NMD3: variants seen among roughly 807,000 people sequenced by gnomAD.
The protein encoded by NMD3 is NMD3 ribosome export adaptor.
NMD3 carries 47 observed loss-of-function variants against 73.1 expected under a neutral mutation model. That is an observed-to-expected ratio of 0.64 (90% CI 0.51 to 0.82). The LOEUF is 0.82. Among genes scored for constraint, NMD3 ranks in the 40% least tolerant of loss-of-function variants. The pLI is 0.00. For missense variants in NMD3, 554 were observed against 612.5 expected (o/e 0.90, Z 1.01); for synonymous variants, 210 against 194.5 (o/e 1.08, Z -0.66).
intron 4 of NMD3, 69 bp downstream of exon 4, chr3:161,227,412 C>A (rs1365338508): frequency 5.2e-5 from 32 of 610,040 alleles, no homozygotes; most frequent in Middle Eastern, 4.5e-4. Context: ...TCAGAAAATT[C>A]TTGTGAGTAG....
At chr3:161,247,473 A>AT (rs1737266341) in intron 13 of NMD3, 143 bp downstream of exon 13, 13 of 484,360 alleles carry the variant, frequency 2.7e-5, no homozygotes, top group South Asian at 4.1e-5. Flanking sequence ...ATAATAGCAA[A>AT]ATTTTTTTTT....
chr3:161,227,416 T>A, intron 4 of NMD3, 73 bp downstream of exon 4: 1 of 887,822 alleles, frequency 1.1e-6, no homozygotes, highest in Non-Finnish European at 1.8e-6. Flanking sequence ...AAAATTCTTG[T>A]GAGTAGGTTT....
chr3:161,238,868 C>T (rs911005315), intron 9 of NMD3, 42 bp downstream of exon 9: 2 of 958,824 alleles, frequency 2.1e-6, no homozygotes, highest in Non-Finnish European at 3.2e-6. Flanking sequence ...TAAAAGAGTA[C>T]AAGTAATTAA....
At chr3:161,253,078 C>CA (rs1377199969), downstream of NMD3, 13 of 217,282 alleles carry the variant, frequency 6.0e-5, no homozygotes, top group Non-Finnish European at 1.1e-4. Flanking sequence ...GCCTGGGCGA[C>CA]AGAGTGAGAC....
Position 161,250,345 on chromosome 3 carries a change from T to C in NMD3, c.1381+19T>C, listed in dbSNP as rs1175599050. 1 of 1,470,558 alleles carries C rather than the reference T, an allele frequency of 6.8e-7. No individual in the cohort carries two copies. 91.1% of individuals were successfully genotyped at this position (1,470,558 alleles called of 1,614,324 possible). ...TACAGAGGTTGGTGTTCTAGGAGTG[T>C]TTAAGTCATTTGTTCTGTATATAAG... On this transcript the variant is annotated intron_variant, in intron 15 of 15. Coordinates refer to ENST00000351193, the MANE Select transcript of NMD3 (RefSeq NM_015938.5).
chr3:161,232,098 C>T (rs1413627782), intron 4 of NMD3, among the ~76,000 whole-genome samples: 2 of 146,588 alleles, frequency 1.4e-5, no homozygotes, highest in Non-Finnish European at 3.0e-5. Context: ...GAGGTTGGAG[C>T]TTGAGGGGAA....
intron 7 of NMD3, among the ~76,000 whole-genome samples, chr3:161,237,450 T>G (rs1736798827): frequency 6.6e-6 from 1 of 152,036 alleles, no homozygotes; most frequent in Admixed American, 6.6e-5. Context: ...TTTCTTTTCT[T>G]TTTCTAGTAC....
intron 7 of NMD3, among the ~76,000 whole-genome samples, chr3:161,236,977 T>G (rs1161317824): frequency 2.0e-5 from 3 of 152,206 alleles, no homozygotes; most frequent in African/African-American, 7.2e-5. Flanking sequence ...GTTTTGACAT[T>G]AAATGTGTAA....
chr3:161,241,198 G>T (rs1176079517), intron 10 of NMD3, 35 bp downstream of exon 10: 5 of 1,204,536 alleles, frequency 4.2e-6, no homozygotes, highest in Non-Finnish European at 4.9e-6. Context: ...TGACAATTTT[G>T]TTTTGTATGA....
At chr3:161,239,501 AT>A (rs1576852676) in intron 9 of NMD3, among the ~76,000 whole-genome samples, 1 of 152,320 alleles carries the variant, frequency 6.6e-6, no homozygotes, top group East Asian at 1.9e-4. Flanking sequence ...TATTGTGACC[AT>A]TCTACATAAA....
chr3:161,230,989 C>G (rs972976718), intron 4 of NMD3, among the ~76,000 whole-genome samples: 1 of 152,156 alleles, frequency 6.6e-6, no homozygotes, highest in Non-Finnish European at 1.5e-5. Flanking sequence ...GTTACTGTTA[C>G]AAGTTTAGAC....
intron 11 of NMD3, 144 bp downstream of exon 11, chr3:161,242,797 T>G: frequency 3.4e-6 from 2 of 587,700 alleles, no homozygotes; most frequent in Non-Finnish European, 5.5e-6. Context: ...TTCTTTTTTT[T>G]TTTGTCTTTT....
At chr3:161,252,642 A>G (rs941742199), downstream of NMD3, 4 of 499,298 alleles carry the variant, frequency 8.0e-6, no homozygotes, top group Admixed American at 3.4e-5. Flanking sequence ...GTCCCCCAGT[A>G]TTCTTAGTCA....
chr3:161,225,062 A>G lies in NMD3; in HGVS notation c.177A>G (p.Gln59=), dbSNP rs745719789. ...QVSISFCKQC[Q]RYFQPPGTWI... ...CGATTTCGTTCTGCAAACAATGTCA[A>G]AGGTACAGTGCGGTACAATTTTGCT... The change falls in exon 3 of 16, where the codon CAA becomes CAG. Residue 59 remains glutamine, a splice_region_variant and synonymous_variant. Transcript: ENST00000351193. 3.1e-6 allele frequency: 5 copies of G among 1,613,756 alleles called. No homozygotes were observed. The highest frequency in any genetic ancestry group is 2.2e-5 in the South Asian group (2 of 90,980).
At chr3:161,233,346 T>C in intron 4 of NMD3, 53 bp from the exon 5 acceptor site, 1 of 1,284,402 alleles carries the variant, frequency 7.8e-7, no homozygotes, top group Non-Finnish European at 1.1e-6. Flanking sequence ...TTTCGTGTTT[T>C]TTTTCCTCCT....
chr3:161,238,037 A>AT, intron 7 of NMD3, 76 bp from the exon 8 acceptor site: 1 of 952,826 alleles, frequency 1.0e-6, no homozygotes, highest in South Asian at 1.5e-5. Context: ...GATGTAATTT[A>AT]TAATATAGTC....
intron 13 of NMD3, among the ~76,000 whole-genome samples, chr3:161,249,062 A>T (rs991174874): frequency 6.6e-6 from 1 of 152,210 alleles, no homozygotes; most frequent in Admixed American, 6.5e-5. Flanking sequence ...AAAGTTATAT[A>T]TAGTTCTGTA....
Position 161,251,982 on chromosome 3 carries a change from A to T in NMD3, c.*1072A>T, listed in dbSNP as rs1737504970. The T allele has an allele frequency of 6.6e-6, 1 of 152,224 alleles. No homozygotes were observed. Among genetic ancestry groups the T allele is most frequent in the East Asian group, 1.9e-4 (1 of 5,200 alleles). The allele number at this position is 152,224 out of a possible 1,614,324, so 9.4% of individuals were successfully genotyped here. On this transcript the variant is annotated 3_prime_UTR_variant, in exon 16 of 16. Coordinates refer to ENST00000351193, the MANE Select transcript of NMD3 (RefSeq NM_015938.5). ...CTAATTCATTCATTCCATGTGTGCCACTAAATAAAGAGATTGAGCAAGTGC... is the reference window on the plus strand; with the variant it reads ...CTAATTCATTCATTCCATGTGTGCCTCTAAATAAAGAGATTGAGCAAGTGC...
At chr3:161,234,598 A>T (rs1175290453) in intron 5 of NMD3, 129 bp from the exon 6 acceptor site, 9 of 624,628 alleles carry the variant, frequency 1.4e-5, no homozygotes, top group Non-Finnish European at 2.4e-5. Flanking sequence ...AAATTTGAGG[A>T]CATTTGATTG....
Sources: allele counts gnomAD v4.1 joint callset (sites outside exome capture counted in the v4.1 genomes callset), GRCh38; gene constraint gnomAD v4.1.1; transcripts MANE v1.5; gene names NCBI Gene and HGNC (gene_info 2026-07-23, HGNC 2026-07-21).